The following DKK3 variants were observed in gnomAD, a reference collection of about 807,000 sequenced individuals.
DKK3 encodes dickkopf-related protein 3.
In DKK3, 22 loss-of-function variants were observed where a neutral mutation model predicts 33.2. The observed-to-expected ratio is 0.66, with a 90% CI of 0.47 to 0.95. The LOEUF is 0.95. DKK3 is among the 40% of genes least tolerant of loss of function. The pLI, the probability that DKK3 is intolerant of heterozygous loss-of-function variation, is 0.00. For missense variants in DKK3, 398 were observed against 458.4 expected, an observed-to-expected ratio of 0.87 and a Z score of 1.20; for synonymous variants, 194 against 188.8, an observed-to-expected ratio of 1.03 and a Z score of -0.23.
chr11:11,975,885 G>T (rs565057220), intron 3 of DKK3, among the ~76,000 whole-genome samples: 1 of 152,244 alleles, frequency 6.6e-6, no homozygotes, highest in South Asian at 2.1e-4. Context: ...CCCACACCTC[G>T]GTTCTAATAC....
intron 3 of DKK3, chr11:11,968,700 A>G (rs1156701786): frequency 4.1e-6 from 2 of 493,474 alleles, no homozygotes; most frequent in African/African-American, 2.0e-5. Context: ...GGCAGCCCAG[A>G]GCCTGGAGGA....
intron 3 of DKK3, among the ~76,000 whole-genome samples, chr11:11,978,486 CTCTTCT>C (rs143534733): frequency 6.8e-6 from 1 of 147,930 alleles, no homozygotes; most frequent in Non-Finnish European, 1.5e-5. Context: ...CTTTTTCTTC[CTCTTCT>C]TCTTCTTCTT....
In DKK3 at chr11:11,971,303, T is replaced by C. The variant is rs146815017; in HGVS notation, c.436-2816A>G. Among the ~76,000 whole-genome samples the C allele has an allele frequency of 2.5e-3, 384 of 152,358 alleles. 3 individuals carry two copies. The highest frequency in any genetic ancestry group is 8.9e-3 in the African/African-American group (369 of 41,572). Reference sequence around the variant, plus strand: ...GCAGACATTAAAAAGAATGCAGTTGTTCTTTGCATAATGATTTCTAAAACA... The same window carrying C: ...GCAGACATTAAAAAGAATGCAGTTGCTCTTTGCATAATGATTTCTAAAACA... On this transcript the variant is annotated intron_variant, in intron 3 of 6. Transcript: ENST00000683431.
In DKK3 at chr11:11,965,984, C is replaced by T. The variant is rs1466015905; in HGVS notation, c.674-19G>A. On this transcript the variant is annotated intron_variant, in intron 5 of 6. Coordinates refer to ENST00000683431, the MANE Select transcript of DKK3 (RefSeq NM_001018057.2). ...AGCAGGCCTGGAACCAGCCCAGAGT[C>T]ACCCCTGTGTGCCCCGTGTAGGGTA... 6.2e-7 allele frequency: 1 copy of T among 1,603,740 alleles called. No individual in the cohort carries two copies. The highest frequency in any genetic ancestry group is 2.2e-5 in the East Asian group (1 of 44,640).
intron 3 of DKK3, among the ~76,000 whole-genome samples, chr11:11,974,643 C>T (rs1847794799): frequency 6.6e-6 from 1 of 152,214 alleles, no homozygotes; most frequent in South Asian, 2.1e-4. Context: ...CCTCTTAATA[C>T]TGTTAAAATG....
chr11:11,966,313 G>A (rs1188393134), intron 5 of DKK3, among the ~76,000 whole-genome samples: 1 of 152,174 alleles, frequency 6.6e-6, no homozygotes, highest in Non-Finnish European at 1.5e-5. Flanking sequence ...CAGGGCCGGT[G>A]AAATTCCCAA....
chr11:11,982,790 T>C (rs545985344), intron 3 of DKK3, among the ~76,000 whole-genome samples: 1 of 152,302 alleles, frequency 6.6e-6, no homozygotes, highest in South Asian at 2.1e-4. Flanking sequence ...CTTGTATCTC[T>C]TCCCTCAGAA....
chr11:11,988,466 G>A (rs1024870615), intron 3 of DKK3, among the ~76,000 whole-genome samples: 1 of 152,228 alleles, frequency 6.6e-6, no homozygotes, highest in Non-Finnish European at 1.5e-5. Context: ...GACCCTGGAA[G>A]AGGAGACGGT....
intron 1 of DKK3, among the ~76,000 whole-genome samples, chr11:12,003,360 C>T (rs1422092445): frequency 6.6e-6 from 1 of 152,156 alleles, no homozygotes; most frequent in Non-Finnish European, 1.5e-5. Context: ...GGTCAGTTAA[C>T]CAGTTCCCGG....
At chr11:11,975,776 A>G (rs531819535) in intron 3 of DKK3, among the ~76,000 whole-genome samples, 1 of 152,234 alleles carries the variant, frequency 6.6e-6, no homozygotes, top group East Asian at 1.9e-4. Flanking sequence ...TCCCCTCTAC[A>G]GGCTCTGTCG....
In DKK3 at chr11:12,008,481, G is replaced by C; in HGVS notation, c.102C>G (p.Pro34=). 1.2e-6 allele frequency: 2 copies of C among 1,605,140 alleles called. No individual in the cohort carries two copies. Among genetic ancestry groups the C allele is most frequent in the Non-Finnish European group, 1.7e-6 (2 of 1,178,780 alleles). The change falls in exon 1 of 7, where the codon CCC becomes CCG. Residue 34 remains proline, a synonymous_variant. Transcript: ENST00000683431. This position sits in a 1 kb window ranked among gnomAD's most constrained non-coding sequence, Gnocchi z 4.6. Reference sequence around the variant, plus strand: ...CCTGCGGGTAGCTGAGAGCCGGGCCGGGCTTGACTGGAGCCGAGGTCGCCG... The same window carrying C: ...CCTGCGGGTAGCTGAGAGCCGGGCCCGGCTTGACTGGAGCCGAGGTCGCCG... ...APTATSAPVK[P]GPALSYPQEE...
chr11:11,996,743 C>A (rs938091563), intron 3 of DKK3, among the ~76,000 whole-genome samples: 3 of 152,236 alleles, frequency 2.0e-5, no homozygotes, highest in Non-Finnish European at 2.9e-5. Flanking sequence ...ATCTACCGCT[C>A]CCCTCAACCA....
chr11:11,994,661 A>C (rs1048088737), intron 3 of DKK3: 2 of 152,182 alleles, frequency 1.3e-5, no homozygotes, highest in African/African-American at 4.8e-5. Context: ...CAGCATCAAA[A>C]ACCAGGGCGC....
intron 3 of DKK3, among the ~76,000 whole-genome samples, chr11:11,990,290 G>T (rs1434708132): frequency 6.6e-6 from 1 of 152,254 alleles, no homozygotes. Context: ...AACCTAATGA[G>T]AGTTCAAGTT....
chr11:11,987,680 T>G (rs1385902616), intron 3 of DKK3, among the ~76,000 whole-genome samples: 1 of 152,242 alleles, frequency 6.6e-6, no homozygotes, highest in Non-Finnish European at 1.5e-5. Flanking sequence ...CAGGGGACCC[T>G]GTGAATTCTA....
rs1234355452 is a variant in DKK3 at position 11,971,958 on chromosome 11, G to T, written c.436-3471C>A. Among the ~76,000 whole-genome samples, 5 of 152,256 alleles carry T rather than the reference G, an allele frequency of 3.3e-5. No individual in the cohort carries two copies. The East Asian group carries it at 9.7e-4, about 29-fold the overall frequency. ...GTTAGTTCCACATGACTCCCCTCAA[G>T]AAAGCTTGAGGCTTTTGTTATAATC... is the stretch of plus-strand genomic sequence containing the variant. On this transcript the variant is annotated intron_variant, in intron 3 of 6. Coordinates refer to ENST00000683431, the MANE Select transcript of DKK3 (RefSeq NM_001018057.2).
At chr11:11,981,370 T>A (rs1847951018) in intron 3 of DKK3, among the ~76,000 whole-genome samples, 1 of 152,192 alleles carries the variant, frequency 6.6e-6, no homozygotes, top group Non-Finnish European at 1.5e-5. Context: ...GTACCCTGGC[T>A]TCAAGTCAGA....
At chr11:12,008,928 C>T (rs1472011206), upstream of DKK3, 1 of 1,044,624 alleles carries the variant, frequency 9.6e-7, no homozygotes, top group African/African-American at 1.7e-5. The surrounding 1 kb of genome is among the most constrained non-coding windows in gnomAD (Gnocchi z 4.6). Flanking sequence ...GCTAATAGCT[C>T]CCAAGCCCCA....
At chr11:12,001,266 A>T (rs1425651485) in intron 2 of DKK3, among the ~76,000 whole-genome samples, 2 of 152,174 alleles carry the variant, frequency 1.3e-5, no homozygotes, top group African/African-American at 4.8e-5. Flanking sequence ...AAACTCATTC[A>T]TTTACCTGGA....
Sources: gnomAD v4.1 joint callset for allele counts (sites outside exome capture counted in the v4.1 genomes callset) on GRCh38, gnomAD v4.1.1 for gene constraint, Gnocchi (gnomAD v3.1) non-coding constraint, MANE v1.5 for transcripts, NCBI Gene and HGNC (gene_info 2026-07-23, HGNC 2026-07-21) for gene names.